Variants in MMP26 observed in about 807,000 individuals in gnomAD.
MMP26 encodes matrix metallopeptidase 26.
Under a neutral mutation model 31.0 loss-of-function variants are expected in MMP26, and 33 were observed. The ratio of observed to expected loss-of-function variants is 1.06; its 90% confidence interval spans 0.81 to 1.42. The LOEUF is 1.42. Ranked by LOEUF, MMP26 falls within the 40% of genes most tolerant of loss-of-function variation. The pLI, the probability that MMP26 is intolerant of heterozygous loss-of-function variation, is 0.00. For synonymous variants in MMP26, 122 were observed against 114.9 expected (o/e 1.06, Z -0.40); for missense variants, 347 against 316.1 (o/e 1.10, Z -0.74).
chr11:4,836,109 A>G (rs1414281180), intron 2 of MMP26, among the ~76,000 whole-genome samples: 1 of 152,114 alleles, frequency 6.6e-6, no homozygotes, highest in South Asian at 2.1e-4. Flanking sequence ...CTTACATTTA[A>G]TCTATAAATA....
chr11:4,989,627 A>C (rs772135512), intron 3 of MMP26, 21 bp from the exon 4 acceptor site: 6 of 1,594,880 alleles, frequency 3.8e-6, no homozygotes, highest in Middle Eastern at 1.6e-4. Flanking sequence ...CTTAGTACTC[A>C]TCCTTCTTGA....
chr11:4,974,420 T>G (rs916354066), intron 2 of MMP26, among the ~76,000 whole-genome samples: 18 of 152,202 alleles, frequency 1.2e-4, no homozygotes, highest in African/African-American at 4.1e-4. Flanking sequence ...GGATTTTCTT[T>G]TCCTTTCCTC....
intron 2 of MMP26, among the ~76,000 whole-genome samples, chr11:4,861,859 C>G (rs1454350426): frequency 2.6e-5 from 4 of 152,086 alleles, no homozygotes; most frequent in African/African-American, 9.7e-5. Context: ...AGCAAAACTC[C>G]TTTAAGGGTT....
intron 2 of MMP26, chr11:4,847,958 TAAC>T: frequency 2.6e-6 from 1 of 378,908 alleles, no homozygotes; most frequent in Non-Finnish European, 4.7e-6. Context: ...AACAATAAGA[TAAC>T]AACAGGCACA....
At chr11:4,972,459 TGTTA>T (rs1846678419) in intron 2 of MMP26, among the ~76,000 whole-genome samples, 1 of 152,192 alleles carries the variant, frequency 6.6e-6, no homozygotes, top group South Asian at 2.1e-4. Context: ...CATGTATGCA[TGTTA>T]GTTTTTTTGA....
At chr11:4,751,975 C>A (rs1429898820) in intron 1 of MMP26, 3 of 152,080 alleles carry the variant, frequency 2.0e-5, no homozygotes, top group Non-Finnish European at 4.4e-5. Context: ...TTTATAATTC[C>A]AATTTGTGGT....
chr11:4,928,379 G>T, intron 2 of MMP26, among the ~76,000 whole-genome samples: 1 of 152,090 alleles, frequency 6.6e-6, no homozygotes, highest in Non-Finnish European at 1.5e-5. Context: ...TCATAATTCA[G>T]AAATTTATAC....
chr11:4,922,549 A>G (rs1851200799), intron 2 of MMP26, among the ~76,000 whole-genome samples: 1 of 152,204 alleles, frequency 6.6e-6, no homozygotes, highest in Non-Finnish European at 1.5e-5. Context: ...TACACCAAGA[A>G]AGAAAAACAG....
intron 1 of MMP26, among the ~76,000 whole-genome samples, chr11:4,737,664 AAACAC>A (rs1341200027): frequency 6.6e-6 from 1 of 151,836 alleles, no homozygotes; most frequent in Non-Finnish European, 1.5e-5. Context: ...AAACAAACAC[AAACAC>A]AAAAACAAAA....
At chr11:4,900,846 C>T (rs1850789731) in intron 2 of MMP26, among the ~76,000 whole-genome samples, 2 of 152,142 alleles carry the variant, frequency 1.3e-5, no homozygotes, top group Non-Finnish European at 2.9e-5. Context: ...TTTGTGTATT[C>T]TTACATAGAA....
intron 2 of MMP26, among the ~76,000 whole-genome samples, chr11:4,827,509 T>C (rs1231894447): frequency 6.6e-6 from 1 of 152,098 alleles, no homozygotes; most frequent in Non-Finnish European, 1.5e-5. Flanking sequence ...GAGAAAGTGC[T>C]ATGAGCACAT....
At chr11:4,947,248 A>G (rs1846326230) in intron 2 of MMP26, 1 of 467,074 alleles carries the variant, frequency 2.1e-6, no homozygotes, top group South Asian at 2.5e-5. Context: ...TTATGTGGCT[A>G]TCATCATGAA....
intron 2 of MMP26, chr11:4,915,883 G>A: frequency 2.0e-6 from 1 of 500,492 alleles, no homozygotes; most frequent in Non-Finnish European, 3.5e-6. Context: ...AAGAAGCAAA[G>A]ACATGGAATT....
chr11:4,758,035 C>T (rs1047297033), intron 1 of MMP26, among the ~76,000 whole-genome samples: 1 of 152,130 alleles, frequency 6.6e-6, no homozygotes, highest in Non-Finnish European at 1.5e-5. Context: ...AGCATATGTA[C>T]ACACAATACA....
Position 4,901,792 on chromosome 11 carries a change from C to CCAAT in MMP26, c.-144-86275_-144-86272dup, listed in dbSNP as rs143389636. 4.7e-3 allele frequency among the ~76,000 whole-genome samples: 709 copies of CCAAT among 152,070 alleles called. 6 individuals are homozygous for CCAAT. Among genetic ancestry groups the CCAAT allele is most frequent in the African/African-American group, 0.016 (654 of 41,494 alleles). On this transcript the variant is annotated intron_variant, in intron 2 of 7. Transcript: ENST00000380390. ...AGAGCACTGTGTTTTGACAAGAATG[C>CCAAT]CAATATACTTGCATTTCATGCTCGT...
intron 2 of MMP26, among the ~76,000 whole-genome samples, chr11:4,892,606 A>C (rs1468149388): frequency 6.6e-6 from 1 of 152,192 alleles, no homozygotes; most frequent in Non-Finnish European, 1.5e-5. Context: ...AAATCTTATT[A>C]AACTGAATTG....
chr11:4,872,435 A>T (rs1372767510), intron 2 of MMP26, among the ~76,000 whole-genome samples: 1 of 152,030 alleles, frequency 6.6e-6, no homozygotes, highest in East Asian at 1.9e-4. Context: ...GGGCAAGGGG[A>T]GTATGTGATT....
intron 2 of MMP26, among the ~76,000 whole-genome samples, chr11:4,966,593 G>C (rs984722924): frequency 5.9e-5 from 9 of 152,154 alleles, no homozygotes; most frequent in African/African-American, 2.2e-4. Context: ...AGTAGAACTT[G>C]GTCAAGGTGA....
intron 1 of MMP26, among the ~76,000 whole-genome samples, chr11:4,751,188 C>T (rs1005233190): frequency 6.6e-6 from 1 of 152,188 alleles, no homozygotes; most frequent in South Asian, 2.1e-4. Flanking sequence ...TAGTTCAATT[C>T]AACAACTATC....
Sources: allele counts gnomAD v4.1 joint callset (sites outside exome capture counted in the v4.1 genomes callset), GRCh38; gene constraint gnomAD v4.1.1; transcripts MANE v1.5; gene names NCBI Gene and HGNC (gene_info 2026-07-23, HGNC 2026-07-21).